MINDY3: variants seen among roughly 807,000 people sequenced by gnomAD.
MINDY3 encodes the protein MINDY lysine 48 deubiquitinase 3.
In MINDY3, 38 loss-of-function variants were observed where a neutral mutation model predicts 69.2. The observed-to-expected ratio is 0.55, with a 90% CI of 0.42 to 0.72. MINDY3 has a LOEUF of 0.72. Ranked by LOEUF, MINDY3 falls within the 30% of genes least tolerant of loss-of-function variation. MINDY3 has a pLI of 0.00. For synonymous variants in MINDY3, 192 were observed against 180.1 expected, an observed-to-expected ratio of 1.07 and a Z score of -0.53; for missense variants, 522 against 519.0, an observed-to-expected ratio of 1.01 and a Z score of -0.06.
At chr10:15,847,369 G>C (rs1008971818) in intron 2 of MINDY3, among the ~76,000 whole-genome samples, 3 of 152,178 alleles carry the variant, frequency 2.0e-5, no homozygotes, top group African/African-American at 7.2e-5. Flanking sequence ...GAAATCAGTT[G>C]TTACGAATTT....
intron 10 of MINDY3, among the ~76,000 whole-genome samples, chr10:15,798,464 G>GTTTT (rs35810825): frequency 1.3e-4 from 19 of 141,768 alleles, no homozygotes; most frequent in Admixed American, 5.6e-4. Context: ...AGTGCCAAGT[G>GTTTT]TTTTTTTTTT....
chr10:15,794,783 A>G (rs778670516), intron 11 of MINDY3, among the ~76,000 whole-genome samples: 1 of 152,110 alleles, frequency 6.6e-6, no homozygotes, highest in Non-Finnish European at 1.5e-5. Flanking sequence ...CAAAGCTACT[A>G]CTTATGACAA....
chr10:15,819,635 G>C (rs1839619405), intron 9 of MINDY3, among the ~76,000 whole-genome samples: 1 of 152,152 alleles, frequency 6.6e-6, no homozygotes, highest in Non-Finnish European at 1.5e-5. Context: ...AATGGCTCCA[G>C]CTTGCTGTAC....
chr10:15,779,083 G>T lies in MINDY3; in HGVS notation c.1247C>A (p.Thr416Lys). The change falls in exon 15 of 15, where the codon ACA (threonine) becomes AAA (lysine). Residue 416 changes from threonine to lysine, a missense_variant. Transcript: ENST00000277632. Reference sequence around the variant, plus strand: ...ACAGCGTTTAATAGGAGTGTCATCTGTCTGTAGCATGGGATCTTCAAAACC... The same window carrying T: ...ACAGCGTTTAATAGGAGTGTCATCTTTCTGTAGCATGGGATCTTCAAAACC... The part of the protein sequence containing the change: ...VMGFEDPMLQ[T>K]DDTPIKRCLQ... 1 of 1,613,600 alleles carries T rather than the reference G, an allele frequency of 6.2e-7. No individual in the cohort carries two copies. Among genetic ancestry groups the T allele is most frequent in the Non-Finnish European group, 8.5e-7 (1 of 1,179,744 alleles).
At chr10:15,834,483 G>T in intron 7 of MINDY3, 60 bp downstream of exon 7, 1 of 1,177,418 alleles carries the variant, frequency 8.5e-7, no homozygotes, top group Non-Finnish European at 1.3e-6. Context: ...TGTTTTATCT[G>T]AAGTCAAGTT....
intron 1 of MINDY3, among the ~76,000 whole-genome samples, chr10:15,859,613 T>G (rs1017984175): frequency 1.3e-5 from 2 of 151,794 alleles, no homozygotes; most frequent in African/African-American, 4.9e-5. Context: ...CCATATTCCT[T>G]TTTTAACCGT....
At chr10:15,789,069 G>A (rs1837210042) in intron 12 of MINDY3, 178 bp downstream of exon 12, 2 of 426,500 alleles carry the variant, frequency 4.7e-6, no homozygotes, top group Admixed American at 7.5e-5. Context: ...CTCAATTTAA[G>A]TATGTCAAGT....
chr10:15,821,530 A>G (rs533184360), intron 9 of MINDY3, 126 bp downstream of exon 9: 1 of 622,022 alleles, frequency 1.6e-6, no homozygotes, highest in East Asian at 2.8e-5. Context: ...GGGGATAGGA[A>G]GGAAGAAGAG....
At chr10:15,796,193 T>C (rs1837811092) in intron 10 of MINDY3, 21 bp from the exon 11 acceptor site, 1 of 1,594,964 alleles carries the variant, frequency 6.3e-7, no homozygotes. Context: ...AAGAAGCATG[T>C]TGTCAACCAG....
intron 14 of MINDY3, among the ~76,000 whole-genome samples, chr10:15,781,884 A>T (rs1836560046): frequency 6.6e-6 from 1 of 152,176 alleles, no homozygotes; most frequent in Non-Finnish European, 1.5e-5. Context: ...TTGATTTAGA[A>T]ACACGCTACA....
At chr10:15,784,780 T>C (rs1481378150) in intron 13 of MINDY3, among the ~76,000 whole-genome samples, 2 of 152,116 alleles carry the variant, frequency 1.3e-5, no homozygotes, top group African/African-American at 2.4e-5. Context: ...ATTCATCTGT[T>C]AGGGACAAGG....
intron 2 of MINDY3, among the ~76,000 whole-genome samples, chr10:15,846,580 G>T (rs1403861531): frequency 6.6e-6 from 1 of 151,726 alleles, no homozygotes; most frequent in Non-Finnish European, 1.5e-5. Context: ...AAAAATAAAT[G>T]ATCTATAAAA....
intron 1 of MINDY3, chr10:15,857,813 T>A: frequency 5.0e-6 from 2 of 401,338 alleles, no homozygotes; most frequent in South Asian, 2.1e-4. Context: ...AACAACCATA[T>A]CAAAAGAATT....
intron 11 of MINDY3, among the ~76,000 whole-genome samples, chr10:15,793,053 C>T (rs1837539957): frequency 6.6e-6 from 1 of 152,126 alleles, no homozygotes; most frequent in South Asian, 2.1e-4. Context: ...TCCTGGTATC[C>T]AGAGGCACTA....
At chr10:15,816,422 T>C (rs1839376144) in intron 10 of MINDY3, among the ~76,000 whole-genome samples, 1 of 152,058 alleles carries the variant, frequency 6.6e-6, no homozygotes, top group African/African-American at 2.4e-5. Context: ...ACCATTGAAT[T>C]ATTAATAGAT....
chr10:15,814,265 A>G (rs1049684119), intron 10 of MINDY3, among the ~76,000 whole-genome samples: 2 of 151,944 alleles, frequency 1.3e-5, no homozygotes, highest in Non-Finnish European at 2.9e-5. Flanking sequence ...GGAAAAAACA[A>G]CTCTTCACTG....
intron 12 of MINDY3, among the ~76,000 whole-genome samples, 160 bp from the exon 13 acceptor site, chr10:15,786,808 T>C (rs1342043797): frequency 6.6e-6 from 1 of 152,162 alleles, no homozygotes; most frequent in Non-Finnish European, 1.5e-5. Context: ...GAATGACATC[T>C]AATTTGCCAA....
At position 15,778,834 on chromosome 10, in the gene MINDY3, ATAATT is replaced by A; in HGVS notation, c.*153_*157del. 1.7e-6 allele frequency: 1 copy of A among 579,988 alleles called. No homozygotes were observed. Among genetic ancestry groups the A allele is most frequent in the Non-Finnish European group, 2.8e-6 (1 of 353,810 alleles). 35.9% of individuals were successfully genotyped at this position (579,988 alleles called of 1,614,324 possible). A position where few individuals can be genotyped will look rare whatever the true frequency, so the allele number is the denominator to read the frequency against. ...TCTTTAACATAAAGCTTTAGGACAA[ATAATT>A]TAAACATATCATAAACACTGAAAAT... is the stretch of plus-strand genomic sequence containing the variant. On this transcript the variant is annotated 3_prime_UTR_variant, in exon 15 of 15. Transcript: ENST00000277632.
intron 7 of MINDY3, 103 bp downstream of exon 7, chr10:15,834,440 A>G (rs1226585523): frequency 1.3e-6 from 1 of 757,234 alleles, no homozygotes; most frequent in Admixed American, 2.1e-5. Flanking sequence ...TACTGTCAAC[A>G]CTACTGACAA....
Sources: allele counts gnomAD v4.1 joint callset (sites outside exome capture counted in the v4.1 genomes callset), GRCh38; gene constraint gnomAD v4.1.1; transcripts MANE v1.5; gene names NCBI Gene and HGNC (gene_info 2026-07-23, HGNC 2026-07-21).